DRC4: variants seen among roughly 807,000 people sequenced by gnomAD.
DRC4 encodes dynein regulatory complex subunit 4.
chr16:90,021,496 G>A, the DRC4 span, among the ~76,000 whole-genome samples: 2 of 151,366 alleles, frequency 1.3e-5, no homozygotes, highest in Non-Finnish European at 2.9e-5. Context: ...TTGGCTCACT[G>A]CAACCTCCAC....
At chr16:90,041,218 G>A in the DRC4 span, among the ~76,000 whole-genome samples, 1 of 152,250 alleles carries the variant, frequency 6.6e-6, no homozygotes, top group African/African-American at 2.4e-5. Context: ...TGAGGATGGA[G>A]GATGGAGCTA....
chr16:90,031,326 G>T, the DRC4 span: 2 of 1,613,288 alleles, frequency 1.2e-6, no homozygotes, highest in Non-Finnish European at 1.7e-6. Context: ...CCGCATCCGG[G>T]AGGAGCTGGA....
the DRC4 span, among the ~76,000 whole-genome samples, chr16:90,032,027 A>G: frequency 2.6e-5 from 4 of 151,984 alleles, no homozygotes; most frequent in Non-Finnish European, 5.9e-5. Flanking sequence ...AGGTATGTAC[A>G]GGTGAGGAGG....
the DRC4 span, chr16:90,032,681 G>C: frequency 1.9e-6 from 3 of 1,592,880 alleles, no homozygotes; most frequent in South Asian, 1.1e-5. Flanking sequence ...AGGAGGTGTG[G>C]TGCAGGTGAG....
chr16:90,035,039 G>C, the DRC4 span, among the ~76,000 whole-genome samples: 2 of 151,902 alleles, frequency 1.3e-5, no homozygotes, highest in Non-Finnish European at 2.9e-5. Context: ...GACTAGCTGG[G>C]ATTACAGGCA....
At chr16:90,037,303 C>G in the DRC4 span, 4 of 1,613,918 alleles carry the variant, frequency 2.5e-6, no homozygotes, top group Admixed American at 1.7e-5. Context: ...CTGGGCAGAA[C>G]AAGCGCCTGG....
At chr16:90,036,458 G>A in the DRC4 span, 18 of 1,613,854 alleles carry the variant, frequency 1.1e-5, no homozygotes, top group South Asian at 3.3e-5. Context: ...TGAGCTCCAC[G>A]AAGTGGAGGA....
At chr16:90,044,467 A>G in the DRC4 span, 3 of 469,738 alleles carry the variant, frequency 6.4e-6, no homozygotes, top group African/African-American at 6.0e-5. Context: ...GTGAGTCATG[A>G]GCCTCAGCCC....
At chr16:90,042,631 T>TCGTA in the DRC4 span, 1 of 994,374 alleles carries the variant, frequency 1.0e-6, no homozygotes, top group South Asian at 1.3e-5. Flanking sequence ...TGTGCCCACT[T>TCGTA]CGTACCTCGT....
At chr16:90,025,456 C>T in the DRC4 span, among the ~76,000 whole-genome samples, 21,313 of 150,618 alleles carry the variant, frequency 0.14, 2,443 homozygotes, top group East Asian at 0.61. Flanking sequence ...CGAGTACAGC[C>T]TGGCCAACAT....
At chr16:90,026,614 C>T in the DRC4 span, among the ~76,000 whole-genome samples, 2 of 152,176 alleles carry the variant, frequency 1.3e-5, no homozygotes, top group South Asian at 2.1e-4. Context: ...GAGGGTCTTT[C>T]CTCTGTTTTG....
the DRC4 span, chr16:90,019,706 T>C: frequency 1.7e-6 from 1 of 582,546 alleles, no homozygotes; most frequent in Admixed American, 3.5e-5. This position sits in a 1 kb window ranked among gnomAD's most constrained non-coding sequence, Gnocchi z 6.1. Context: ...CGGCCGGGCG[T>C]CCGGGGCTCC....
the DRC4 span, chr16:90,039,800 A>G: frequency 5.6e-6 from 1 of 179,044 alleles, no homozygotes; most frequent in Non-Finnish European, 1.2e-5. Flanking sequence ...GCTGGCAGGT[A>G]GCTGGCTCCA....
the DRC4 span, chr16:90,036,687 A>C: frequency 3.1e-6 from 3 of 963,346 alleles, no homozygotes; most frequent in South Asian, 4.2e-5. Flanking sequence ...ACCCCAACAC[A>C]CCCAGTACTT....
chr16:90,039,846 C>G, the DRC4 span: 2 of 208,068 alleles, frequency 9.6e-6, no homozygotes, highest in Non-Finnish European at 1.0e-5. Context: ...GTGGGGCGGA[C>G]AGCACATGTG....
the DRC4 span, chr16:90,022,053 T>G: frequency 6.6e-6 from 1 of 152,194 alleles, no homozygotes; most frequent in Non-Finnish European, 1.5e-5. Context: ...GCAGGGCCTG[T>G]CGGGAAGCCT....
At chr16:90,027,103 T>G in the DRC4 span, among the ~76,000 whole-genome samples, 1 of 150,412 alleles carries the variant, frequency 6.6e-6, no homozygotes, top group East Asian at 1.9e-4. Context: ...TTTTTTTTTT[T>G]GAGATGGAGT....
chr16:90,037,487 C>G, the DRC4 span: 1 of 1,435,668 alleles, frequency 7.0e-7, no homozygotes, highest in African/African-American at 1.4e-5. Context: ...GGGCTTGGCC[C>G]TTAGGGCAGG....
the DRC4 span, chr16:90,036,827 T>C: frequency 4.6e-6 from 3 of 648,294 alleles, no homozygotes; most frequent in East Asian, 2.8e-5. Context: ...GGGGAAGTAA[T>C]GAAGTGTGTT....
Sources: allele counts gnomAD v4.1 joint callset (sites outside exome capture counted in the v4.1 genomes callset), GRCh38; gene constraint gnomAD v4.1.1; non-coding constraint Gnocchi (gnomAD v3.1); transcripts MANE v1.5; gene names NCBI Gene and HGNC (gene_info 2026-07-23, HGNC 2026-07-21).